The following TMEM38B variants were observed in gnomAD, a reference collection of about 807,000 sequenced individuals.
TMEM38B encodes trimeric intracellular cation channel type B.
TMEM38B carries 24 observed loss-of-function variants against 28.7 expected under a neutral mutation model. That is an observed-to-expected ratio of 0.84 (90% confidence interval 0.61 to 1.18). TMEM38B has a LOEUF of 1.18. TMEM38B is among the 50% of genes most tolerant of loss of function. TMEM38B has a pLI of 0.00. For synonymous variants in TMEM38B, 131 were observed against 127.7 expected (o/e 1.03, Z -0.17); for missense variants, 380 against 350.9 (o/e 1.08, Z -0.66).
chr9:105,703,733 T>C (rs1267841656), intron 1 of TMEM38B, among the ~76,000 whole-genome samples: 2 of 151,858 alleles, frequency 1.3e-5, no homozygotes, highest in East Asian at 1.9e-4. Context: ...TTTTAATGAT[T>C]GCCATTCTAA....
intron 4 of TMEM38B, among the ~76,000 whole-genome samples, chr9:105,742,361 C>G (rs1462626562): frequency 6.6e-6 from 1 of 152,198 alleles, no homozygotes; most frequent in Non-Finnish European, 1.5e-5. Flanking sequence ...TATTCCCAGG[C>G]TTTGAATCCT....
chr9:105,731,995 C>G (rs1836769039), intron 4 of TMEM38B, among the ~76,000 whole-genome samples: 2 of 152,102 alleles, frequency 1.3e-5, no homozygotes, highest in Non-Finnish European at 2.9e-5. Context: ...TAATGATCAC[C>G]ATTCTAACTG....
intron 4 of TMEM38B, among the ~76,000 whole-genome samples, chr9:105,740,783 T>TG (rs1837174903): frequency 1.3e-5 from 2 of 152,132 alleles, no homozygotes; most frequent in Non-Finnish European, 2.9e-5. Flanking sequence ...GTGGAAAATT[T>TG]GGGGAAATGT....
intron 5 of TMEM38B, among the ~76,000 whole-genome samples, chr9:105,766,566 T>G (rs1194088887): frequency 2.6e-5 from 4 of 152,168 alleles, no homozygotes; most frequent in African/African-American, 9.7e-5. Context: ...TTTCTTTGTT[T>G]AGTGTTGTCT....
chr9:105,732,142 T>G (rs962029138), intron 4 of TMEM38B, among the ~76,000 whole-genome samples: 1 of 152,190 alleles, frequency 6.6e-6, no homozygotes, highest in African/African-American at 2.4e-5. Flanking sequence ...TCACCCACTT[T>G]TCGATGGGGT....
intron 5 of TMEM38B, among the ~76,000 whole-genome samples, chr9:105,765,946 T>A (rs552361995): frequency 6.6e-5 from 10 of 152,080 alleles, no homozygotes; most frequent in African/African-American, 2.4e-4. Context: ...GGAATATAGG[T>A]GTATGCCACC....
At chr9:105,747,456 G>T (rs190798639) in intron 4 of TMEM38B, among the ~76,000 whole-genome samples, 49 of 151,864 alleles carry the variant, frequency 3.2e-4, no homozygotes, top group African/African-American at 9.2e-4. Context: ...GTCTATTTGA[G>T]TCTTCTCTCT....
At position 105,705,736 on chromosome 9, in the gene TMEM38B, A is replaced by C. The variant is rs1283384980; in HGVS notation, c.252A>C (p.Leu84Phe). 1 of 1,613,276 alleles carries C rather than the reference A, an allele frequency of 6.2e-7. No individual in the cohort carries two copies. ...TTCTTGCAAACCACACTAACATATT[A>C]CTGGCATCTTCAATCTGGTAAGCTG... ...LKFLANHTNI[L>F]LASSIWYITF... The change falls in exon 2 of 6, where the codon TTA (leucine) becomes TTC (phenylalanine). Residue 84 changes from leucine (L) to phenylalanine (F), a missense_variant. Leu to Phe is a conservative substitution (Grantham distance 22, BLOSUM62 0). Coordinates refer to ENST00000374692, the MANE Select transcript of TMEM38B (RefSeq NM_018112.3).
intron 1 of TMEM38B, among the ~76,000 whole-genome samples, chr9:105,699,966 C>T (rs78140824): frequency 0.023 from 3,523 of 152,256 alleles, 133 homozygotes; most frequent in African/African-American, 0.081. Context: ...TTTAATCTAT[C>T]TTATCTTACA....
chr9:105,757,335 C>T (rs909282128), intron 5 of TMEM38B, among the ~76,000 whole-genome samples: 1 of 152,088 alleles, frequency 6.6e-6, no homozygotes, highest in African/African-American at 2.4e-5. Flanking sequence ...AGGCTGGTTC[C>T]ATATTTTTGC....
At chr9:105,705,106 A>T (rs7025764) in intron 1 of TMEM38B, among the ~76,000 whole-genome samples, 4 of 152,198 alleles carry the variant, frequency 2.6e-5, no homozygotes, top group African/African-American at 9.7e-5. Flanking sequence ...ATAAATATCT[A>T]TTCCTAAGAA....
At chr9:105,716,727 A>T (rs1416628253) in intron 2 of TMEM38B, among the ~76,000 whole-genome samples, 1 of 140,806 alleles carries the variant, frequency 7.1e-6, no homozygotes, top group Non-Finnish European at 1.5e-5. Context: ...CTTTGTGAAG[A>T]TGAAGAAGAA....
intron 4 of TMEM38B, among the ~76,000 whole-genome samples, chr9:105,726,089 T>C (rs1319256846): frequency 1.3e-5 from 2 of 152,270 alleles, no homozygotes; most frequent in East Asian, 1.9e-4. Flanking sequence ...ATCAAGGTAA[T>C]TGGGATATCC....
rs971206374 is a variant in TMEM38B at position 105,756,603 on chromosome 9, A to G, written c.660+8413A>G. Among the ~76,000 whole-genome samples the G allele has an allele frequency of 5.9e-5, 9 of 152,312 alleles. No individual in the cohort carries two copies. In the South Asian group the frequency reaches 1.4e-3, roughly 25 times the overall value. On this transcript the variant is annotated intron_variant, in intron 5 of 5. Transcript: ENST00000374692. ...TGAGTTACAGCATCAATTTTTGTTC[A>G]TAGTCTAATTTGTGGAATAAAAATG...
At position 105,774,053 on chromosome 9, in the gene TMEM38B, A is replaced by C. The variant is rs1416734650; in HGVS notation, c.849A>C (p.Lys283Asn). Reference sequence around the variant, plus strand: ...TAGATGTTGCCTCAGATAATGTTAAAAAGAAACATACTAAGAAGAATGAAT... The same window carrying C: ...TAGATGTTGCCTCAGATAATGTTAACAAGAAACATACTAAGAAGAATGAAT... ...KPVDVASDNV[K>N]KKHTKKNE Residue 283 changes from lysine to asparagine, a missense_variant, in exon 6 of 6, where the codon AAA (lysine) becomes AAC (asparagine). By Grantham distance (94) the Lys-to-Asn change is moderately conservative. Transcript: ENST00000374692. 1.9e-6 allele frequency: 3 copies of C among 1,613,500 alleles called. No homozygotes were observed. In the African/African-American group the frequency reaches 4.0e-5, roughly 22 times the overall value.
intron 2 of TMEM38B, among the ~76,000 whole-genome samples, chr9:105,716,518 G>A (rs1836103461): frequency 6.6e-6 from 1 of 152,156 alleles, no homozygotes; most frequent in African/African-American, 2.4e-5. Context: ...GTACAGTGTT[G>A]TGGGTGTTAG....
chr9:105,758,368 A>G lies in TMEM38B; in HGVS notation c.660+10178A>G. On this transcript the variant is annotated intron_variant, in intron 5 of 5. Coordinates refer to ENST00000374692, the MANE Select transcript of TMEM38B (RefSeq NM_018112.3). ...ATGGCGATCTTACATGGATTCTGCT[A>G]CTTATGGAATGAAATTACCACATCT... is the stretch of plus-strand genomic sequence containing the variant. 19 of 1,100,906 alleles carry G rather than the reference A, an allele frequency of 1.7e-5. No homozygotes were observed. In the South Asian group the frequency reaches 2.4e-4, roughly 14 times the overall value. 68.2% of individuals were successfully genotyped at this position (1,100,906 alleles called of 1,614,324 possible).
intron 2 of TMEM38B, among the ~76,000 whole-genome samples, chr9:105,719,094 A>G (rs1441873796): frequency 6.6e-6 from 1 of 152,218 alleles, no homozygotes; most frequent in Non-Finnish European, 1.5e-5. Flanking sequence ...GTTCTCAATG[A>G]CTAAGCCTGG....
chr9:105,710,789 G>A (rs982226763), intron 2 of TMEM38B: 19 of 494,436 alleles, frequency 3.8e-5, no homozygotes, highest in Non-Finnish European at 7.5e-5. Flanking sequence ...CATGAAGGCT[G>A]CGTGTCTCCA....
Sources: allele counts gnomAD v4.1 joint callset (sites outside exome capture counted in the v4.1 genomes callset), GRCh38; gene constraint gnomAD v4.1.1; transcripts MANE v1.5; gene names NCBI Gene and HGNC (gene_info 2026-07-23, HGNC 2026-07-21).